Variants in TRPM6 observed in about 807,000 individuals in gnomAD.
TRPM6 encodes channel kinase 2.
TRPM6 carries 111 observed loss-of-function variants against 247.6 expected under a neutral mutation model. The ratio of observed to expected loss-of-function variants is 0.45; its 90% confidence interval spans 0.38 to 0.52. The LOEUF is 0.52. Ranked by LOEUF, TRPM6 falls within the 20% of genes least tolerant of loss-of-function variation. The pLI is 0.00. For missense variants in TRPM6, 2,126 were observed against 2,421.5 expected (o/e 0.88, Z 2.56); for synonymous variants, 892 against 853.8 (o/e 1.04, Z -0.78).
At chr9:74,842,788 A>T (rs1041590449) in intron 3 of TRPM6, among the ~76,000 whole-genome samples, 1 of 152,238 alleles carries the variant, frequency 6.6e-6, no homozygotes, top group Admixed American at 6.5e-5. Flanking sequence ...AAACGCTACC[A>T]ACCATCTGAG....
At chr9:74,784,903 G>A (rs1827592194) in intron 21 of TRPM6, among the ~76,000 whole-genome samples, 1 of 152,106 alleles carries the variant, frequency 6.6e-6, no homozygotes, top group South Asian at 2.1e-4. Context: ...TTTGAGCTCA[G>A]GAGTTTGAGA....
At chr9:74,810,352 AC>A (rs1828687605) in intron 13 of TRPM6, among the ~76,000 whole-genome samples, 1 of 152,320 alleles carries the variant, frequency 6.6e-6, no homozygotes, top group East Asian at 1.9e-4. Context: ...AGGGAGGGGA[AC>A]CACCTGACTG....
intron 35 of TRPM6, among the ~76,000 whole-genome samples, chr9:74,739,147 CT>C (rs1825781868): frequency 6.6e-6 from 1 of 152,148 alleles, no homozygotes. Flanking sequence ...CTCTGAACCT[CT>C]TTTTTCCACT....
intron 6 of TRPM6, among the ~76,000 whole-genome samples, chr9:74,828,357 G>GA (rs201267606): frequency 3.6e-4 from 52 of 143,314 alleles, no homozygotes; most frequent in Admixed American, 9.0e-4. Context: ...GTCTCAAAAA[G>GA]AAAAAAAAAA....
chr9:74,790,875 A>C (rs769544022), intron 19 of TRPM6, among the ~76,000 whole-genome samples: 3 of 152,232 alleles, frequency 2.0e-5, no homozygotes, highest in Non-Finnish European at 4.4e-5. Context: ...TGTTAAGTCC[A>C]CTTACTCTTT....
intron 24 of TRPM6, among the ~76,000 whole-genome samples, chr9:74,774,363 C>T (rs759334008): frequency 4.6e-5 from 7 of 152,098 alleles, no homozygotes; most frequent in South Asian, 2.1e-4. Context: ...AAGCCTGGGA[C>T]GTCTCTCTAT....
chr9:74,731,708 T>TAA (rs1001747711), intron 37 of TRPM6, among the ~76,000 whole-genome samples: 6 of 148,110 alleles, frequency 4.1e-5, no homozygotes, highest in African/African-American at 1.2e-4. Flanking sequence ...ATAATATATA[T>TAA]AATATATATA....
Position 74,803,858 on chromosome 9 carries a change from T to A in TRPM6, c.1667A>T (p.Asn556Ile). Residue 556 changes from asparagine to isoleucine, a missense_variant, in exon 15 of 39, where the codon AAT becomes ATT. By Grantham distance (149) the Asn-to-Ile change is moderately radical. This residue lies in a region of TRPM6 where 1,082 missense variants were observed against 1,307.9 expected (regional missense o/e 0.83). Coordinates refer to ENST00000360774, the MANE Select transcript of TRPM6 (RefSeq NM_017662.5). ...KHQRHSSGNR[N>I]ESAESTLHSQ... is the part of the protein sequence containing the mutation. ...GTGCAGCGTACTTTCTGCAGACTCATTTCTATTTCCTGAGGAGTGTCTCTG... is the reference window on the plus strand; with the variant it reads ...GTGCAGCGTACTTTCTGCAGACTCAATTCTATTTCCTGAGGAGTGTCTCTG... The A allele has an allele frequency of 6.2e-7, 1 of 1,613,670 alleles. No homozygotes were observed. Among genetic ancestry groups the A allele is most frequent in the Non-Finnish European group, 8.5e-7 (1 of 1,179,578 alleles).
intron 15 of TRPM6, 121 bp downstream of exon 15, chr9:74,803,673 G>A: frequency 1.3e-6 from 1 of 797,262 alleles, no homozygotes; most frequent in South Asian, 1.4e-5. Context: ...TGCACCATCT[G>A]TTTATGGCAC....
At chr9:74,785,822 T>TA in intron 21 of TRPM6, 52 bp downstream of exon 21, 1 of 1,610,726 alleles carries the variant, frequency 6.2e-7, no homozygotes, top group Non-Finnish European at 8.5e-7. Flanking sequence ...CACACCTGGC[T>TA]AAAAATAATT....
intron 3 of TRPM6, among the ~76,000 whole-genome samples, chr9:74,842,589 G>C (rs1041167761): frequency 1.3e-5 from 2 of 152,148 alleles, no homozygotes; most frequent in Non-Finnish European, 2.9e-5. Flanking sequence ...GAATACCTTG[G>C]AGACATTGAA....
chr9:74,761,735 C>T lies in TRPM6; in HGVS notation c.4746G>A (p.Leu1582=). 1 of 1,613,810 alleles carries T rather than the reference C, an allele frequency of 6.2e-7. No homozygotes were observed. The highest frequency in any genetic ancestry group is 1.1e-5 in the South Asian group (1 of 91,070). The change falls in exon 27 of 39, where the codon CTG becomes CTA. Residue 1582 remains leucine (L), a synonymous_variant. Coordinates refer to ENST00000360774, the MANE Select transcript of TRPM6 (RefSeq NM_017662.5). ...CTTGAGTATTCTTCTTTTTCTTTGA[C>T]AGTCTCCTGTCTTTGGTTAGCATTT... The part of the protein sequence containing the change: ...KAKMLTKDRR[L]SKKKKNTQGL...
chr9:74,771,693 T>C lies in TRPM6; in HGVS notation c.3536+10A>G, dbSNP rs1188317331. The C allele has an allele frequency of 1.2e-6, 2 of 1,612,276 alleles. No individual in the cohort carries two copies. The highest frequency in any genetic ancestry group is 2.2e-5 in the East Asian group (1 of 44,860). ...GTGGTTTCAGAATGGAAAAGATTTA[T>C]ATCTTTTACCTTTCTGATGTCACTC... On this transcript the variant is annotated intron_variant, in intron 25 of 38. Transcript: ENST00000360774.
chr9:74,728,253 T>C lies in TRPM6; in HGVS notation c.5921A>G (p.Lys1974Arg), dbSNP rs749597708. 5 of 1,613,974 alleles carry C rather than the reference T, an allele frequency of 3.1e-6. No individual in the cohort carries two copies. The highest frequency in any genetic ancestry group is 4.2e-6 in the Non-Finnish European group (5 of 1,179,866). ...TAGTGGCATACCCGGGAGTTTGAGC[T>C]TCCGGCAGCAGGAGTTACAATGATG... ...AKHHCNSCCR[K>R]LKLPDLKRND... The change falls in exon 38 of 39, where the codon AAG becomes AGG. Residue 1974 changes from lysine to arginine, a missense_variant. Lys to Arg is a conservative substitution (Grantham distance 26). Around this residue, in one of 3 missense-constraint regions of TRPM6, gnomAD observed 327 missense variants for 397.7 expected, o/e 0.82. Transcript: ENST00000360774.
At chr9:74,842,874 G>C (rs1354838094) in intron 3 of TRPM6, among the ~76,000 whole-genome samples, 1 of 152,198 alleles carries the variant, frequency 6.6e-6, no homozygotes, top group East Asian at 1.9e-4. Flanking sequence ...GATCAGAATG[G>C]TGGTTGCTGA....
chr9:74,887,548 G>C, intron 1 of TRPM6: 1 of 1,390,130 alleles, frequency 7.2e-7, no homozygotes, highest in Non-Finnish European at 9.8e-7. Flanking sequence ...CTAGGTTTCC[G>C]CTCTGACACC....
chr9:74,816,072 G>A lies in TRPM6; in HGVS notation c.1308+597C>T, dbSNP rs192068512. On this transcript the variant is annotated intron_variant, in intron 11 of 38. Transcript: ENST00000360774. ...CCCAAAAATAAATTAAAAATTGTAC[G>A]CCAGGCACAGTGGCTCACGCCTGTA... Among the ~76,000 whole-genome samples the A allele has an allele frequency of 9.9e-3, 1,500 of 152,240 alleles. 13 individuals are homozygous for A. Among genetic ancestry groups the A allele is most frequent in the African/African-American group, 0.027 (1,109 of 41,540 alleles).
intron 1 of TRPM6, among the ~76,000 whole-genome samples, chr9:74,863,338 T>A (rs1830746549): frequency 6.6e-6 from 1 of 151,710 alleles, no homozygotes. Flanking sequence ...TGAGCCACTG[T>A]GCATGACTGA....
chr9:74,762,025 T>G lies in TRPM6; in HGVS notation c.4646A>C (p.Lys1549Thr). 1 of 1,614,182 alleles carries G rather than the reference T, an allele frequency of 6.2e-7. No homozygotes were observed. Among genetic ancestry groups the G allele is most frequent in the African/African-American group, 1.3e-5 (1 of 75,062 alleles). Residue 1549 changes from lysine (K) to threonine (T), a missense_variant, in exon 26 of 39, where the codon AAA becomes ACA. Physicochemically the swap from Lys to Thr is moderately conservative, Grantham distance 78. Around this residue, in one of 3 missense-constraint regions of TRPM6, gnomAD observed 717 missense variants for 715.9 expected, o/e 1.00. Coordinates refer to ENST00000360774, the MANE Select transcript of TRPM6 (RefSeq NM_017662.5). ...TTTAATCTTACAGATCTTCATCAAT[T>G]TCTCCTCCTTATGGAATCTAAAACT... ...SHSFRFHKEE[K>T]LMKICKIKNL...
Sources: gnomAD v4.1 joint callset for allele counts (sites outside exome capture counted in the v4.1 genomes callset) on GRCh38, gnomAD v4.1.1 for gene constraint, gnomAD v4.1.1 regional missense constraint, MANE v1.5 for transcripts, NCBI Gene and HGNC (gene_info 2026-07-23, HGNC 2026-07-21) for gene names.